The following HSPA12A variants were observed in gnomAD, a reference collection of about 807,000 sequenced individuals.
HSPA12A encodes heat shock protein family A (Hsp70) member 12A.
HSPA12A carries 28 observed loss-of-function variants against 69.2 expected under a neutral mutation model. The ratio of observed to expected loss-of-function variants is 0.40; its 90% CI spans 0.30 to 0.55. HSPA12A has a LOEUF of 0.55. Ranked by LOEUF, HSPA12A falls within the 20% of genes least tolerant of loss-of-function variation. HSPA12A has a pLI of 0.38. For missense variants in HSPA12A, 686 were observed against 900.7 expected (o/e 0.76, Z 3.05); for synonymous variants, 345 against 370.5 (o/e 0.93, Z 0.79).
intron 1 of HSPA12A, among the ~76,000 whole-genome samples, chr10:116,739,643 C>A (rs1475416271): frequency 6.6e-6 from 1 of 152,146 alleles, no homozygotes; most frequent in East Asian, 1.9e-4. Context: ...CATGTGTCAA[C>A]CCACTCAGGT....
At chr10:116,788,176 G>A (rs2133148036) in intron 2 of HSPA12A, among the ~76,000 whole-genome samples, 1 of 152,302 alleles carries the variant, frequency 6.6e-6, no homozygotes, top group East Asian at 1.9e-4. Flanking sequence ...AGCACATCCT[G>A]CAAAATTCTA....
intron 10 of HSPA12A, among the ~76,000 whole-genome samples, chr10:116,677,716 A>G (rs1188159475): frequency 6.6e-6 from 1 of 152,206 alleles, no homozygotes. Context: ...TAGGGAATGT[A>G]CAAGATGAGC....
At chr10:116,716,462 G>A (rs1055332211) in intron 1 of HSPA12A, among the ~76,000 whole-genome samples, 45 of 151,892 alleles carry the variant, frequency 3.0e-4, no homozygotes, top group African/African-American at 1.0e-3. Flanking sequence ...GTGGGGTGGG[G>A]GGTGTGTATG....
intron 1 of HSPA12A, among the ~76,000 whole-genome samples, chr10:116,741,543 T>C (rs1267594250): frequency 1.3e-5 from 2 of 152,094 alleles, no homozygotes; most frequent in Non-Finnish European, 2.9e-5. Context: ...CGCCCAACTT[T>C]CCCCACTTGG....
In HSPA12A at chr10:116,712,907, G is replaced by A. The variant is rs376180555; in HGVS notation, c.41-5622C>T. 3.2e-4 allele frequency among the ~76,000 whole-genome samples: 46 copies of A among 145,416 alleles called. 1 individual carries two copies. Among genetic ancestry groups the A allele is most frequent in the African/African-American group, 1.1e-3 (42 of 39,100 alleles). On this transcript the variant is annotated intron_variant, in intron 1 of 11. Coordinates refer to ENST00000369209, the MANE Select transcript of HSPA12A (RefSeq NM_025015.3). Reference sequence around the variant, plus strand: ...CCTTCTTGTTAGCTTTCAGATTTACGTATCCATCAAATAAATGCCCAATTT... The same window carrying A: ...CCTTCTTGTTAGCTTTCAGATTTACATATCCATCAAATAAATGCCCAATTT...
Position 116,820,230 on chromosome 10 carries a change from G to C in HSPA12A, c.91+14705C>G, listed in dbSNP as rs1845386260. ...AATATTTTAAAAAATTAAAAATCAAGGAAAAATAAGAGACAAACATCTTGA... is the reference window on the plus strand; with the variant it reads ...AATATTTTAAAAAATTAAAAATCAACGAAAAATAAGAGACAAACATCTTGA... On this transcript the variant is annotated intron_variant, in intron 2 of 12. Transcript: ENST00000635765. 2.0e-5 allele frequency among the ~76,000 whole-genome samples: 3 copies of C among 152,064 alleles called. No individual in the cohort carries two copies. The South Asian group carries it at 6.5e-4, about 33-fold the overall frequency.
intron 1 of HSPA12A, among the ~76,000 whole-genome samples, chr10:116,711,363 C>T (rs1622761): frequency 0.057 from 8,701 of 152,166 alleles, 415 homozygotes; most frequent in East Asian, 0.26. Flanking sequence ...ATAGTCGAGG[C>T]TTGAGAGAAA....
chr10:116,799,020 T>A (rs1681735), intron 2 of HSPA12A, among the ~76,000 whole-genome samples: 4 of 152,088 alleles, frequency 2.6e-5, no homozygotes, highest in Admixed American at 6.5e-5. Context: ...TGCCCAGGGC[T>A]CTGCTGACTC....
At chr10:116,815,385 G>A (rs1301582029) in intron 2 of HSPA12A, among the ~76,000 whole-genome samples, 1 of 152,008 alleles carries the variant, frequency 6.6e-6, no homozygotes, top group Non-Finnish European at 1.5e-5. Context: ...GGCCAACATG[G>A]CAAGACCCCA....
chr10:116,743,002 C>A (rs569983207), upstream of HSPA12A, among the ~76,000 whole-genome samples: 1 of 152,142 alleles, frequency 6.6e-6, no homozygotes, highest in Non-Finnish European at 1.5e-5. Flanking sequence ...TTCTGTCTGT[C>A]CCCCAGGGTC....
chr10:116,728,097 C>G (rs782223178), intron 1 of HSPA12A, among the ~76,000 whole-genome samples: 2 of 151,146 alleles, frequency 1.3e-5, no homozygotes, highest in East Asian at 3.9e-4. Context: ...CATGAGCCAC[C>G]GCGCTTGGCC....
In HSPA12A at chr10:116,676,478, C is replaced by T. The variant is rs11197793; in HGVS notation, c.1311G>A (p.Ser437=). The T allele has an allele frequency of 1.1e-5, 18 of 1,613,708 alleles. No homozygotes were observed. Among genetic ancestry groups the T allele is most frequent in the African/African-American group, 5.3e-5 (4 of 74,920 alleles). The change falls in exon 11 of 12, where the codon TCG becomes TCA. Residue 437 remains serine (S), a synonymous_variant. Transcript: ENST00000369209. ...CTGGACTCATCCGCAGCATCCCCTG[C>T]GAGGACCACTTCACAAAATCCACAC... is the stretch of plus-strand genomic sequence containing the variant. ...KSNVDFVKWS[S]QGMLRMSPDA... is the part of the protein sequence containing the mutation.
In HSPA12A at chr10:116,826,178, G is replaced by A. The variant is rs144993495; in HGVS notation, c.91+8757C>T. On this transcript the variant is annotated intron_variant, in intron 2 of 12. Transcript: ENST00000635765. ...GTCACCTCCCAGGGAAGCCTCCCCC[G>A]CCTCCCTCCACCTTCATCTCTGCTG... 1.1e-4 allele frequency among the ~76,000 whole-genome samples: 17 copies of A among 151,868 alleles called. No individual in the cohort carries two copies. In the East Asian group the frequency reaches 3.3e-3, roughly 29 times the overall value.
intron 1 of HSPA12A, among the ~76,000 whole-genome samples, chr10:116,729,130 T>A (rs1011894623): frequency 1.3e-4 from 20 of 152,190 alleles, no homozygotes; most frequent in Non-Finnish European, 2.2e-4. Context: ...TCTGGCAGCA[T>A]TGCCCAGCCC....
intron 6 of HSPA12A, among the ~76,000 whole-genome samples, chr10:116,689,192 T>C (rs1301628057): frequency 6.6e-6 from 1 of 152,016 alleles, no homozygotes; most frequent in Non-Finnish European, 1.5e-5. Context: ...GCTTCCAGGC[T>C]GCTTTCTCCT....
intron 2 of HSPA12A, chr10:116,829,422 A>ACATACTT (rs1399031989): frequency 6.6e-6 from 1 of 152,328 alleles, no homozygotes; most frequent in South Asian, 2.1e-4. Context: ...GCAAAGCAGG[A>ACATACTT]AGGGGTAAGA....
intron 1 of HSPA12A, among the ~76,000 whole-genome samples, chr10:116,709,170 G>C (rs1554882808): frequency 6.6e-6 from 1 of 152,200 alleles, no homozygotes; most frequent in African/African-American, 2.4e-5. Flanking sequence ...GGATAGGCTG[G>C]GCGCGGTGGC....
chr10:116,739,644 C>A (rs782433201), intron 1 of HSPA12A, among the ~76,000 whole-genome samples: 3 of 152,154 alleles, frequency 2.0e-5, no homozygotes, highest in Non-Finnish European at 2.9e-5. Context: ...ATGTGTCAAC[C>A]CACTCAGGTC....
intron 5 of HSPA12A, among the ~76,000 whole-genome samples, chr10:116,697,915 C>A (rs2420329): frequency 0.53 from 79,933 of 151,688 alleles, 21,435 homozygotes; most frequent in Middle Eastern, 0.66. Context: ...TTTCATAGAA[C>A]TGGAATCACA....
Sources: gnomAD v4.1 joint callset for allele counts (sites outside exome capture counted in the v4.1 genomes callset) on GRCh38, gnomAD v4.1.1 for gene constraint, MANE v1.5 for transcripts, NCBI Gene and HGNC (gene_info 2026-07-23, HGNC 2026-07-21) for gene names.